The following KCNMB2 variants were observed in gnomAD, a reference collection of about 807,000 sequenced individuals.
KCNMB2 encodes calcium-activated potassium channel subunit beta-2.
A neutral mutation model predicts 24.5 loss-of-function variants in KCNMB2; 9 were observed. The ratio of observed to expected loss-of-function variants is 0.37; its 90% confidence interval spans 0.22 to 0.64. The LOEUF is 0.64. Among genes scored for constraint, KCNMB2 ranks in the 30% least tolerant of loss-of-function variants. The pLI is 0.63. For synonymous variants in KCNMB2, 109 were observed against 104.4 expected, an observed-to-expected ratio of 1.04 and a Z score of -0.27; for missense variants, 226 against 284.3, an observed-to-expected ratio of 0.79 and a Z score of 1.47.
chr3:178,688,376 T>C (rs79324256), intron 1 of KCNMB2, among the ~76,000 whole-genome samples: 11,431 of 152,224 alleles, frequency 0.075, 570 homozygotes, highest in Middle Eastern at 0.22. Flanking sequence ...TTTAATGATA[T>C]GATACCTCAG....
rs137858398 is a variant in KCNMB2 at position 178,632,456 on chromosome 3, T to C, written c.-68+95745T>C. Among the ~76,000 whole-genome samples, 1,177 of 152,212 alleles carry C rather than the reference T, an allele frequency of 7.7e-3. 16 individuals are homozygous for C. Among genetic ancestry groups the C allele is most frequent in the African/African-American group, 0.027 (1,138 of 41,506 alleles). On this transcript the variant is annotated intron_variant, in intron 1 of 4. Coordinates refer to ENST00000452583, the MANE Select transcript of KCNMB2 (RefSeq NM_181361.3). ...ACAATCGTGGCAGAGGGGAACCAAA[T>C]ATGTCCTTCTTCACATGGCAGCAGC...
chr3:178,707,406 T>A (rs1382577777), intron 1 of KCNMB2, among the ~76,000 whole-genome samples: 3 of 152,146 alleles, frequency 2.0e-5, no homozygotes, highest in African/African-American at 7.2e-5. Flanking sequence ...GTTTTGCTTC[T>A]GTTGCAGTTG....
intron 1 of KCNMB2, among the ~76,000 whole-genome samples, chr3:178,756,434 T>TTGTTTTATGTG: frequency 6.6e-6 from 1 of 152,146 alleles, no homozygotes. Context: ...AAACAAAACC[T>TTGTTTTATGTG]TGTTTTATGT....
chr3:178,758,844 G>GAT (rs548966538), intron 1 of KCNMB2, among the ~76,000 whole-genome samples: 1 of 7,616 alleles, frequency 1.3e-4, no homozygotes, highest in Non-Finnish European at 1.9e-4. Flanking sequence ...CTCCAAGAGG[G>GAT]ATATATATAT....
At chr3:178,590,497 A>T (rs997421804) in intron 1 of KCNMB2, among the ~76,000 whole-genome samples, 44 of 152,260 alleles carry the variant, frequency 2.9e-4, no homozygotes, top group African/African-American at 9.9e-4. Flanking sequence ...TAACTTTTTT[A>T]AAAAATTAAG....
intron 1 of KCNMB2, among the ~76,000 whole-genome samples, chr3:178,783,139 C>T (rs1355405176): frequency 6.6e-6 from 1 of 151,996 alleles, no homozygotes; most frequent in Non-Finnish European, 1.5e-5. Flanking sequence ...CTGTTCTGTT[C>T]CACTGATCTA....
At chr3:178,828,093 GGA>G in intron 3 of KCNMB2, 83 bp from the exon 4 acceptor site, 1 of 1,030,566 alleles carries the variant, frequency 9.7e-7, no homozygotes. Context: ...TTCAGCTTCA[GGA>G]GATGAGAAAT....
intron 4 of KCNMB2, among the ~76,000 whole-genome samples, chr3:178,830,341 A>G (rs7618149): frequency 0.65 from 98,104 of 151,884 alleles, 33,548 homozygotes; most frequent in African/African-American, 0.87. Context: ...ATGTCTGTTT[A>G]TTTATTCATT....
intron 2 of KCNMB2, among the ~76,000 whole-genome samples, chr3:178,808,777 A>C (rs1300328203): frequency 6.6e-6 from 1 of 152,236 alleles, no homozygotes; most frequent in Non-Finnish European, 1.5e-5. Context: ...CTACGATTGC[A>C]GCCACAAAAA....
At chr3:178,721,355 T>C (rs1432088385) in intron 1 of KCNMB2, among the ~76,000 whole-genome samples, 1 of 152,158 alleles carries the variant, frequency 6.6e-6, no homozygotes, top group Non-Finnish European at 1.5e-5. Context: ...GGTACCAGTA[T>C]TTCAGTTAGC....
intron 1 of KCNMB2, among the ~76,000 whole-genome samples, chr3:178,640,777 G>A (rs994966856): frequency 6.6e-6 from 1 of 152,068 alleles, no homozygotes. Flanking sequence ...CCAAATCCAA[G>A]GTCACCTGGA....
At chr3:178,778,762 C>T (rs1019501476) in intron 1 of KCNMB2, among the ~76,000 whole-genome samples, 4 of 152,166 alleles carry the variant, frequency 2.6e-5, no homozygotes, top group Non-Finnish European at 4.4e-5. Flanking sequence ...CCCTCCAACC[C>T]GACTCCTGGC....
chr3:178,837,592 A>C (rs183830196), intron 4 of KCNMB2, among the ~76,000 whole-genome samples: 1 of 152,342 alleles, frequency 6.6e-6, no homozygotes, highest in Non-Finnish European at 1.5e-5. Context: ...AAAAATGACA[A>C]GATGAGAAAG....
chr3:178,631,906 C>T (rs1223595768), intron 1 of KCNMB2, among the ~76,000 whole-genome samples: 1 of 152,124 alleles, frequency 6.6e-6, no homozygotes, highest in Non-Finnish European at 1.5e-5. Flanking sequence ...CTATTCTAGC[C>T]ACAGCTTCAC....
chr3:178,825,534 G>A (rs1405502795), intron 2 of KCNMB2, 54 bp from the exon 3 acceptor site: 2 of 1,500,062 alleles, frequency 1.3e-6, no homozygotes, highest in Non-Finnish European at 1.8e-6. Flanking sequence ...CTGCTCTCTA[G>A]GGGCATGCTG....
At chr3:178,724,037 T>C (rs1722890477) in intron 1 of KCNMB2, among the ~76,000 whole-genome samples, 1 of 152,196 alleles carries the variant, frequency 6.6e-6, no homozygotes. Flanking sequence ...TAGTTCTGCT[T>C]TAAGTTCTTT....
chr3:178,571,702 G>A (rs552212689), intron 1 of KCNMB2, among the ~76,000 whole-genome samples: 1 of 151,470 alleles, frequency 6.6e-6, no homozygotes, highest in Non-Finnish European at 1.5e-5. Flanking sequence ...ACCCCTGACA[G>A]GCCCCGGTGT....
chr3:178,758,491 T>C (rs1450071326), intron 1 of KCNMB2, among the ~76,000 whole-genome samples: 1 of 29,460 alleles, frequency 3.4e-5, no homozygotes, highest in African/African-American at 1.8e-4. Context: ...CAAGAGGTGA[T>C]TGATATATAT....
At chr3:178,684,599 G>T (rs144711940) in intron 1 of KCNMB2, among the ~76,000 whole-genome samples, 2 of 152,180 alleles carry the variant, frequency 1.3e-5, no homozygotes, top group East Asian at 3.9e-4. Context: ...AGTCCGAGGC[G>T]GGCAGATCAC....
Sources: allele counts gnomAD v4.1 joint callset (sites outside exome capture counted in the v4.1 genomes callset), GRCh38; gene constraint gnomAD v4.1.1; transcripts MANE v1.5; gene names NCBI Gene and HGNC (gene_info 2026-07-23, HGNC 2026-07-21).